Variants in CUBN observed in about 807,000 individuals in gnomAD.
The protein encoded by CUBN is cubilin, also known as 460 kDa receptor.
Under a neutral mutation model 405.3 loss-of-function variants are expected in CUBN, and 282 were observed. The observed-to-expected ratio is 0.70, with a 90% CI of 0.63 to 0.77. The LOEUF is 0.77. CUBN is among the 30% of genes least tolerant of loss of function. The pLI is 0.00. For synonymous variants in CUBN, 1,684 were observed against 1,617.0 expected, an observed-to-expected ratio of 1.04 and a Z score of -0.99; for missense variants, 4,514 against 4,475.2, an observed-to-expected ratio of 1.01 and a Z score of -0.25.
rs747957245 is a variant in CUBN, at chr10:16,920,081, G to A, written c.6703C>T (p.Pro2235Ser). 6 of 1,614,006 alleles carry A rather than the reference G, an allele frequency of 3.7e-6. No individual in the cohort carries two copies. The East Asian group carries it at 8.9e-5, about 24-fold the overall frequency. Residue 2235 changes from proline to serine, a missense_variant, in exon 44 of 67, where the codon CCC becomes TCC. By Grantham distance (74) the Pro-to-Ser change is moderately conservative (BLOSUM62 -1). Transcript: ENST00000377833. ...GGGGGATAATTATGAGGGTGGTTGGGGGAGGTCACATACCCAGCAGAATCA... is the reference window on the plus strand; with the variant it reads ...GGGGGATAATTATGAGGGTGGTTGGAGGAGGTCACATACCCAGCAGAATCA... ...DADSAGYVTS[P>S]NHPHNYPPHA...
rs10795440 is a variant in CUBN, at chr10:17,068,596, G to A, written c.2791+9C>T. On this transcript the variant is annotated intron_variant, in intron 20 of 66. Coordinates refer to ENST00000377833, the MANE Select transcript of CUBN (RefSeq NM_001081.4). ...AGAGGAGGAAAAAAAAAAGGGAACA[G>A]TCTCTTACCCAAATCCTCAGCACTG... is the stretch of plus-strand genomic sequence containing the variant. 0.82 allele frequency: 1,320,021 copies of A among 1,600,188 alleles called. 546,882 individuals are homozygous for A. Among genetic ancestry groups the A allele is most frequent in the East Asian group, 0.95 (42,490 of 44,732 alleles).
In CUBN at chr10:16,824,108, G is replaced by A. The variant is rs760428616; in HGVS notation, c.*867C>T. 6.6e-6 allele frequency: 1 copy of A among 152,100 alleles called. No individual in the cohort carries two copies. Among genetic ancestry groups the A allele is most frequent in the African/African-American group, 2.4e-5 (1 of 41,388 alleles). 9.4% of individuals were successfully genotyped at this position (152,100 alleles called of 1,614,324 possible). ...TCTGTCACCCAGGCTGGAGTACAGTGGTTAATTCACAGGGTTTCACTGCAG... is the reference window on the plus strand; with the variant it reads ...TCTGTCACCCAGGCTGGAGTACAGTAGTTAATTCACAGGGTTTCACTGCAG... On this transcript the variant is annotated 3_prime_UTR_variant, in exon 67 of 67. Coordinates refer to ENST00000377833, the MANE Select transcript of CUBN (RefSeq NM_001081.4).
chr10:16,966,095 G>T (rs547854631), intron 31 of CUBN: 3 of 429,262 alleles, frequency 7.0e-6, no homozygotes, highest in African/African-American at 2.1e-5. Context: ...AGCAGCTCTG[G>T]AAATAGGGTG....
intron 63 of CUBN, among the ~76,000 whole-genome samples, chr10:16,835,612 C>CTT (rs55897455): frequency 0.05 from 7,305 of 146,336 alleles, 213 homozygotes; most frequent in Non-Finnish European, 0.064. Flanking sequence ...CGTTATTTAC[C>CTT]TTTTTTTTTT....
intron 19 of CUBN, among the ~76,000 whole-genome samples, chr10:17,070,760 T>C (rs1166146472): frequency 3.9e-5 from 6 of 152,176 alleles, no homozygotes; most frequent in Non-Finnish European, 1.5e-5. Context: ...TTTTTATGTG[T>C]GTGGATTCCT....
chr10:17,093,306 G>A (rs1836305348), intron 14 of CUBN, among the ~76,000 whole-genome samples: 2 of 152,164 alleles, frequency 1.3e-5, no homozygotes, highest in Non-Finnish European at 1.5e-5. Context: ...GGAGGGGAGG[G>A]AAGTTGCTAA....
chr10:16,911,559 A>T (rs1441490786), intron 48 of CUBN, among the ~76,000 whole-genome samples: 1 of 152,212 alleles, frequency 6.6e-6, no homozygotes, highest in Non-Finnish European at 1.5e-5. Context: ...AGGGATAGGG[A>T]GATGACAAGT....
chr10:17,101,311 G>A (rs12263745), intron 13 of CUBN, among the ~76,000 whole-genome samples: 87,487 of 151,882 alleles, frequency 0.58, 26,370 homozygotes, highest in Non-Finnish European at 0.67. Flanking sequence ...AATTGGTAAT[G>A]AAAGTATTAC....
chr10:16,979,417 C>T (rs981873179), intron 31 of CUBN, among the ~76,000 whole-genome samples: 3 of 152,120 alleles, frequency 2.0e-5, no homozygotes, highest in Admixed American at 2.0e-4. Context: ...AAGCTGGAGA[C>T]ATAACGTTAC....
intron 27 of CUBN, 100 bp downstream of exon 27, chr10:17,040,933 A>G: frequency 9.0e-7 from 1 of 1,109,822 alleles, no homozygotes; most frequent in Non-Finnish European, 1.4e-6. Flanking sequence ...TGCGTGGGGC[A>G]GAGTTAGGGA....
rs1835010767 is a variant in CUBN at position 17,041,206 on chromosome 10, C to A, written c.3844G>T (p.Val1282Leu). 6.2e-7 allele frequency: 1 copy of A among 1,613,154 alleles called. No individual in the cohort carries two copies. The highest frequency in any genetic ancestry group is 8.5e-7 in the Non-Finnish European group (1 of 1,179,260). The change falls in exon 27 of 67, where the codon GTA (valine) becomes TTA (leucine). Residue 1282 changes from valine to leucine, a missense_variant. Transcript: ENST00000377833. ...AEYRQTCENV[V>L]IVNQTYGILE... is the part of the protein sequence containing the mutation. Reference sequence around the variant, plus strand: ...ATGCCATAGGTTTGATTGACTATTACCACATTCTCACATGCTGGAAAAAGA... The same window carrying A: ...ATGCCATAGGTTTGATTGACTATTAACACATTCTCACATGCTGGAAAAAGA...
intron 31 of CUBN, among the ~76,000 whole-genome samples, chr10:16,975,692 G>A (rs1477638245): frequency 7.0e-6 from 1 of 143,766 alleles, no homozygotes; most frequent in South Asian, 2.3e-4. Context: ...GTGCAGTGGT[G>A]CAATCTTGGC....
At chr10:16,977,936 G>A (rs1038408034) in intron 31 of CUBN, among the ~76,000 whole-genome samples, 5 of 152,190 alleles carry the variant, frequency 3.3e-5, no homozygotes, top group Non-Finnish European at 5.9e-5. Flanking sequence ...TATTACACAT[G>A]AAAAATTATA....
At position 16,947,294 on chromosome 10, in the gene CUBN, A is replaced by G; in HGVS notation, c.5283T>C (p.Asn1761=). 6.2e-7 allele frequency: 1 copy of G among 1,614,036 alleles called. No homozygotes were observed. ...TGACGATGTTCCAGACACATTCCAC[A>G]TTAGGGGGATAAATGTCTGGGTAGC... The part of the protein sequence containing the change: ...SPGYPDIYPP[N]VECVWNIVSS... Residue 1761 remains asparagine (N), a synonymous_variant, in exon 36 of 67, where the codon AAT becomes AAC. Transcript: ENST00000377833.
intron 62 of CUBN, among the ~76,000 whole-genome samples, chr10:16,837,265 T>A (rs1312435290): frequency 6.6e-6 from 1 of 151,982 alleles, no homozygotes; most frequent in African/African-American, 2.4e-5. Context: ...AGGCTGTTCT[T>A]TACCCATGCT....
rs757788554 is a variant in CUBN at position 17,043,945 on chromosome 10, A to G, written c.3711T>C (p.Thr1237=). The G allele has an allele frequency of 6.8e-6, 11 of 1,613,646 alleles. No individual in the cohort carries two copies. In the East Asian group the frequency reaches 2.5e-4, roughly 36 times the overall value. ...GGGGTTTCTCATCCCCACAAAGCTGAGTTAGCAGATGAGAGTTGCTACTTG... is the reference window on the plus strand; with the variant it reads ...GGGGTTTCTCATCCCCACAAAGCTGGGTTAGCAGATGAGAGTTGCTACTTG... The part of the protein sequence containing the change: ...DGPSSNSHLL[T]QLCGDEKPPL... Residue 1237 remains threonine, a synonymous_variant, in exon 26 of 67, where the codon ACT becomes ACC. Transcript: ENST00000377833.
chr10:16,967,241 T>C (rs1843417611), intron 31 of CUBN, among the ~76,000 whole-genome samples: 1 of 152,170 alleles, frequency 6.6e-6, no homozygotes, highest in Non-Finnish European at 1.5e-5. Context: ...CCCTATTTCT[T>C]TGTTCTACAC....
intron 31 of CUBN, among the ~76,000 whole-genome samples, chr10:16,959,574 G>C (rs1843161421): frequency 6.6e-6 from 1 of 151,744 alleles, no homozygotes; most frequent in African/African-American, 2.4e-5. Flanking sequence ...GTTGTGGTGA[G>C]CTGAGATAGT....
rs754731048 is a variant in CUBN at position 17,026,710 on chromosome 10, G to GA, written c.4018-6728_4018-6727insT. ...TCCATTGTGGATAAGCAAAGCCCAA[G>GA]GGGGCAAATGCAAAATCAAATCATG... On this transcript the variant is annotated intron_variant, in intron 27 of 66. Coordinates refer to ENST00000377833, the MANE Select transcript of CUBN (RefSeq NM_001081.4). Among the ~76,000 whole-genome samples, 10 of 152,276 alleles carry GA rather than the reference G, an allele frequency of 6.6e-5. 1 individual carries two copies. The East Asian group carries it at 1.7e-3, about 26-fold the overall frequency.
Sources: allele counts gnomAD v4.1 joint callset (sites outside exome capture counted in the v4.1 genomes callset), GRCh38; gene constraint gnomAD v4.1.1; transcripts MANE v1.5; gene names NCBI Gene and HGNC (gene_info 2026-07-23, HGNC 2026-07-21).